SRPK2: variants seen among roughly 807,000 people sequenced by gnomAD.
SRPK2 encodes SRSF protein kinase 2.
In SRPK2, 21 loss-of-function variants were observed where a neutral mutation model predicts 90.8. The ratio of observed to expected loss-of-function variants is 0.23; its 90% CI spans 0.16 to 0.33. The LOEUF (loss-of-function observed/expected upper bound fraction) is 0.33, where lower values mean the gene tolerates loss of function less well. SRPK2 is among the 10% of genes least tolerant of loss of function. The pLI is 1.00. For synonymous variants in SRPK2, 288 were observed against 311.1 expected (o/e 0.93, Z 0.78); for missense variants, 620 against 869.0 (o/e 0.71, Z 3.60).
intron 14 of SRPK2, 134 bp downstream of exon 14, chr7:105,126,859 A>T: frequency 7.0e-6 from 6 of 862,270 alleles, no homozygotes; most frequent in Non-Finnish European, 1.1e-5. Flanking sequence ...TCAAACTCAA[A>T]GGAAAAGCAT....
At chr7:105,355,238 A>G (rs1817643965) in intron 2 of SRPK2, among the ~76,000 whole-genome samples, 2 of 152,024 alleles carry the variant, frequency 1.3e-5, no homozygotes, top group Admixed American at 1.3e-4. Context: ...GCTAACGCCT[A>G]TAATCCTAGC....
chr7:105,298,020 G>A (rs149586505), intron 2 of SRPK2, among the ~76,000 whole-genome samples: 2,174 of 152,272 alleles, frequency 0.014, 47 homozygotes, highest in African/African-American at 0.049. Context: ...GATGACAGGC[G>A]TGAGCCACCA....
rs142596444 is a variant in SRPK2, at chr7:105,122,718, C to T, written c.1915+3530G>A. Among the ~76,000 whole-genome samples, 400 of 152,146 alleles carry T rather than the reference C, an allele frequency of 2.6e-3. 1 individual carries two copies. The highest frequency in any genetic ancestry group is 8.9e-3 in the African/African-American group (369 of 41,510). ...TGATGTTGTCCCTGACTCAGGGAAACGTGGATTTTATGCTGCTGCACAGAA... is the reference window on the plus strand; with the variant it reads ...TGATGTTGTCCCTGACTCAGGGAAATGTGGATTTTATGCTGCTGCACAGAA... On this transcript the variant is annotated intron_variant, in intron 15 of 15. Coordinates refer to ENST00000393651, the MANE Select transcript of SRPK2 (RefSeq NM_182692.3).
chr7:105,329,145 T>C (rs573673040), intron 2 of SRPK2, among the ~76,000 whole-genome samples: 1 of 152,272 alleles, frequency 6.6e-6, no homozygotes, highest in African/African-American at 2.4e-5. Flanking sequence ...CCCCAAATTT[T>C]TTTCTCCCAC....
intron 2 of SRPK2, among the ~76,000 whole-genome samples, chr7:105,205,638 T>C (rs1474774155): frequency 1.3e-5 from 2 of 151,336 alleles, no homozygotes; most frequent in Non-Finnish European, 1.5e-5. Flanking sequence ...CTGGAAGCCA[T>C]GTAAATGCTC....
intron 2 of SRPK2, among the ~76,000 whole-genome samples, chr7:105,238,834 T>C (rs1339668500): frequency 1.3e-5 from 2 of 152,220 alleles, no homozygotes; most frequent in African/African-American, 4.8e-5. Context: ...ACATCATTTA[T>C]AACCCCACCA....
At chr7:105,160,737 A>G in intron 6 of SRPK2, 124 bp from the exon 7 acceptor site, 1 of 554,166 alleles carries the variant, frequency 1.8e-6, no homozygotes, top group Non-Finnish European at 3.3e-6. Context: ...CAACCCTATC[A>G]GTAATACCAA....
At chr7:105,265,331 G>C (rs1013061174) in intron 2 of SRPK2, among the ~76,000 whole-genome samples, 2 of 152,084 alleles carry the variant, frequency 1.3e-5, no homozygotes, top group Non-Finnish European at 2.9e-5. Flanking sequence ...ATTGTATTAG[G>C]TATTGTAAGT....
intron 6 of SRPK2, among the ~76,000 whole-genome samples, chr7:105,162,563 A>G (rs1286327257): frequency 5.9e-5 from 9 of 152,232 alleles, no homozygotes. Context: ...TTAAAACAAT[A>G]TTATTTTAAA....
chr7:105,280,989 T>G (rs1400837097), intron 2 of SRPK2, among the ~76,000 whole-genome samples: 1 of 138,542 alleles, frequency 7.2e-6, no homozygotes, highest in Non-Finnish European at 1.5e-5. Context: ...AAAAAAACCT[T>G]GTTTATAAGG....
At chr7:105,345,500 T>C (rs1816350583) in intron 2 of SRPK2, among the ~76,000 whole-genome samples, 1 of 152,092 alleles carries the variant, frequency 6.6e-6, no homozygotes, top group Non-Finnish European at 1.5e-5. Context: ...TGACCAAGCA[T>C]ATCGCAAGAA....
Position 105,170,942 on chromosome 7 carries a change from A to G in SRPK2, c.230-1677T>C, listed in dbSNP as rs1165396393. 2.1e-3 allele frequency among the ~76,000 whole-genome samples: 83 copies of G among 39,516 alleles called. 3 individuals carry two copies. The highest frequency in any genetic ancestry group is 6.6e-3 in the African/African-American group (83 of 12,550). The allele number at this position is 39,516 out of a possible 152,430, so 25.9% of individuals were successfully genotyped here. ...AGAAAGAAAAAGAAAAAGGAAAGAA[A>G]GAAAGAAAGAAAGAAAGAAAGAAAG... On this transcript the variant is annotated intron_variant, in intron 3 of 15. Coordinates refer to ENST00000393651, the MANE Select transcript of SRPK2 (RefSeq NM_182692.3).
At chr7:105,370,776 T>G (rs1476102532) in intron 2 of SRPK2, among the ~76,000 whole-genome samples, 2 of 151,960 alleles carry the variant, frequency 1.3e-5, no homozygotes, top group African/African-American at 4.8e-5. Context: ...CCATCAAGCC[T>G]GACTAATTTT....
chr7:105,179,943 A>G (rs1027665146), intron 3 of SRPK2, among the ~76,000 whole-genome samples: 13 of 152,116 alleles, frequency 8.5e-5, no homozygotes, highest in African/African-American at 3.1e-4. Flanking sequence ...AGATGATACA[A>G]ATGGAAAAAC....
chr7:105,330,685 G>C (rs960953352), intron 2 of SRPK2, among the ~76,000 whole-genome samples: 1 of 152,308 alleles, frequency 6.6e-6, no homozygotes, highest in African/African-American at 2.4e-5. Context: ...AGATTAAAAA[G>C]TGGTGGCAAG....
intron 2 of SRPK2, among the ~76,000 whole-genome samples, chr7:105,280,959 A>C (rs1342870928): frequency 2.0e-5 from 2 of 100,016 alleles, no homozygotes; most frequent in African/African-American, 6.7e-5. Flanking sequence ...AAAAAAAAAA[A>C]AAAAAAAAAA....
intron 2 of SRPK2, chr7:105,298,804 G>A: frequency 1.0e-6 from 1 of 985,606 alleles, no homozygotes; most frequent in Non-Finnish European, 1.2e-6. Flanking sequence ...GCTGTAAGGA[G>A]GGCTTCACGC....
At position 105,170,839 on chromosome 7, in the gene SRPK2, GAAA is replaced by G. The variant is rs1386860123; in HGVS notation, c.230-1577_230-1575del. On this transcript the variant is annotated intron_variant, in intron 3 of 15. Coordinates refer to ENST00000393651, the MANE Select transcript of SRPK2 (RefSeq NM_182692.3). ...AGGGAGAGAAAGAGAAAGAAAGGAA[GAAA>G]GAAAGAAAGAAAGAAAGAAAGAAAG... 6.0e-3 allele frequency among the ~76,000 whole-genome samples: 46 copies of G among 7,682 alleles called. 2 individuals carry two copies. Among genetic ancestry groups the G allele is most frequent in the East Asian group, 0.038 (10 of 266 alleles). 5.0% of individuals were successfully genotyped at this position (7,682 alleles called of 152,430 possible).
intron 3 of SRPK2, among the ~76,000 whole-genome samples, chr7:105,198,213 T>C (rs1052981795): frequency 2.0e-5 from 3 of 152,178 alleles, no homozygotes; most frequent in Non-Finnish European, 4.4e-5. Flanking sequence ...TAAGTCCCAC[T>C]CTCAAGGATT....
Sources: gnomAD v4.1 joint callset for allele counts (sites outside exome capture counted in the v4.1 genomes callset) on GRCh38, gnomAD v4.1.1 for gene constraint, MANE v1.5 for transcripts, NCBI Gene and HGNC (gene_info 2026-07-23, HGNC 2026-07-21) for gene names.